SLC8A1: variants seen among roughly 807,000 people sequenced by gnomAD.
SLC8A1 encodes sodium/calcium exchanger 1.
A neutral mutation model predicts 68.3 loss-of-function variants in SLC8A1; 18 were observed. The observed-to-expected ratio is 0.26, with a 90% CI of 0.18 to 0.39. The LOEUF (loss-of-function observed/expected upper bound fraction) is 0.39. Ranked by LOEUF, SLC8A1 falls within the 10% of genes least tolerant of loss-of-function variation. The probability of loss-of-function intolerance (pLI) is 1.00; values close to 1 mark genes in which losing one functional copy is unlikely to be tolerated. For missense variants in SLC8A1, 985 were observed against 1,156.7 expected (o/e 0.85, Z 2.15); for synonymous variants, 475 against 415.5 (o/e 1.14, Z -1.74).
At chr2:40,413,064 AC>A (rs1692682474) in intron 2 of SLC8A1, among the ~76,000 whole-genome samples, 1 of 152,036 alleles carries the variant, frequency 6.6e-6, no homozygotes, top group African/African-American at 2.4e-5. Flanking sequence ...CTCACCTCAC[AC>A]CAGTTAGAAT....
At chr2:40,442,323 T>C (rs1226011007) in intron 1 of SLC8A1, among the ~76,000 whole-genome samples, 3 of 140,928 alleles carry the variant, frequency 2.1e-5, no homozygotes, top group Non-Finnish European at 3.1e-5. Context: ...ACCTACAGAA[T>C]GGGAGAAAAA....
At chr2:40,184,603 T>C (rs767409603) in intron 2 of SLC8A1, among the ~76,000 whole-genome samples, 7 of 152,132 alleles carry the variant, frequency 4.6e-5, no homozygotes, top group African/African-American at 7.2e-5. Context: ...TGATTATATC[T>C]GGAAAGTAGA....
intron 2 of SLC8A1, among the ~76,000 whole-genome samples, chr2:40,207,849 G>C (rs759260752): frequency 2.0e-5 from 3 of 152,048 alleles, no homozygotes; most frequent in Non-Finnish European, 4.4e-5. Flanking sequence ...GCTCCCACCA[G>C]TTTGGAACCT....
intron 2 of SLC8A1, among the ~76,000 whole-genome samples, chr2:40,232,436 G>A (rs1463195188): frequency 6.0e-5 from 9 of 151,258 alleles, no homozygotes; most frequent in Admixed American, 5.3e-4. Context: ...GGATAGCAAG[G>A]TTTATATAGA....
At position 40,300,469 on chromosome 2, in the gene SLC8A1, T is replaced by C. The variant is rs935404853; in HGVS notation, c.1809-122614A>G. ...CATAAAAAAAAAGACATTCTACATT[T>C]CTTATTTGTTTCGTAGGCTGGCCCA... On this transcript the variant is annotated intron_variant, in intron 2 of 7. Transcript: ENST00000406785. 6.6e-5 allele frequency among the ~76,000 whole-genome samples: 10 copies of C among 152,198 alleles called. No homozygotes were observed. In the East Asian group the frequency reaches 1.7e-3, roughly 26 times the overall value.
intron 2 of SLC8A1, among the ~76,000 whole-genome samples, chr2:40,185,850 G>C (rs2050601461): frequency 6.6e-6 from 1 of 152,190 alleles, no homozygotes; most frequent in Non-Finnish European, 1.5e-5. Context: ...AGAAAAGGTT[G>C]TCAGAATGTT....
At chr2:40,420,975 C>G (rs1477012240) in intron 2 of SLC8A1, among the ~76,000 whole-genome samples, 2 of 152,128 alleles carry the variant, frequency 1.3e-5, no homozygotes, top group African/African-American at 4.8e-5. Flanking sequence ...ATAAGAGTAG[C>G]TACTTGATAT....
intron 7 of SLC8A1, among the ~76,000 whole-genome samples, chr2:40,119,000 CAA>C (rs1377462690): frequency 1.3e-5 from 2 of 152,050 alleles, no homozygotes; most frequent in Non-Finnish European, 2.9e-5. Context: ...AGTTTAAAAT[CAA>C]AGACTCCTGG....
At chr2:40,443,086 A>G (rs753421210) in intron 1 of SLC8A1, among the ~76,000 whole-genome samples, 49 of 152,038 alleles carry the variant, frequency 3.2e-4, no homozygotes, top group African/African-American at 1.2e-3. Flanking sequence ...GGGGAACAAC[A>G]CACACTGGGG....
chr2:40,193,520 T>C (rs2052304990), intron 2 of SLC8A1, among the ~76,000 whole-genome samples: 2 of 152,004 alleles, frequency 1.3e-5, no homozygotes, highest in Admixed American at 1.3e-4. Flanking sequence ...GCATGGCATG[T>C]TTAAGAAGCA....
intron 1 of SLC8A1, among the ~76,000 whole-genome samples, chr2:40,448,146 TTTGA>T (rs1319547935): frequency 1.3e-5 from 2 of 152,136 alleles, no homozygotes; most frequent in Non-Finnish European, 2.9e-5. Context: ...AAATGGACTG[TTTGA>T]TTAATAAGTA....
intron 2 of SLC8A1, among the ~76,000 whole-genome samples, chr2:40,312,962 GTA>G (rs2073933876): frequency 6.6e-6 from 1 of 151,926 alleles, no homozygotes; most frequent in Non-Finnish European, 1.5e-5. Flanking sequence ...ACACACATAT[GTA>G]TATGTGTGTA....
intron 2 of SLC8A1, among the ~76,000 whole-genome samples, chr2:40,265,858 G>T (rs940375793): frequency 1.3e-5 from 2 of 149,248 alleles, no homozygotes; most frequent in Non-Finnish European, 3.0e-5. Context: ...CAGGCATAAA[G>T]AAAAAAAAAA....
chr2:40,452,748 GCAAA>G (rs1255195983), upstream of SLC8A1, among the ~76,000 whole-genome samples: 1 of 150,656 alleles, frequency 6.6e-6, no homozygotes, highest in East Asian at 1.9e-4. Context: ...GCTGACACAA[GCAAA>G]CAGAGATATT....
In SLC8A1 at chr2:40,200,248, ATATAT is replaced by A. The variant is rs2054071003; in HGVS notation, c.1809-22398_1809-22394del. On this transcript the variant is annotated intron_variant, in intron 2 of 7. Coordinates refer to ENST00000406785, the Ensembl canonical transcript of SLC8A1. Reference sequence around the variant, plus strand: ...TTTATATATATATATAAATATATATATATATATATATATATATATAACCTCTTTTA... The same window carrying A: ...TTTATATATATATATAAATATATATAATATATATATATATAACCTCTTTTA... 2.6e-4 allele frequency among the ~76,000 whole-genome samples: 5 copies of A among 19,298 alleles called. 2 individuals are homozygous for A. Among genetic ancestry groups the A allele is most frequent in the Admixed American group, 9.7e-4 (2 of 2,060 alleles). 12.7% of individuals were successfully genotyped at this position (19,298 alleles called of 152,430 possible). A position where few individuals can be genotyped will look rare whatever the true frequency, so the allele number is the denominator to read the frequency against.
At chr2:40,325,804 A>G (rs994755631) in intron 2 of SLC8A1, among the ~76,000 whole-genome samples, 1 of 140,820 alleles carries the variant, frequency 7.1e-6, no homozygotes, top group South Asian at 2.2e-4. Flanking sequence ...AAAAAAAAAA[A>G]GTAGCTGAGC....
At position 40,404,533 on chromosome 2, in the gene SLC8A1, G is replaced by A. The variant is rs544978412; in HGVS notation, c.1808+23940C>T. 1.3e-3 allele frequency among the ~76,000 whole-genome samples: 202 copies of A among 152,188 alleles called. 1 individual carries two copies. The highest frequency in any genetic ancestry group is 4.6e-3 in the African/African-American group (191 of 41,534). ...TATCCCAAGAGTTTGTGCATGTTGA[G>A]GAAAGAAATCCAAGAAATATTTAAT... On this transcript the variant is annotated intron_variant, in intron 2 of 7. Transcript: ENST00000406785.
intron 7 of SLC8A1, among the ~76,000 whole-genome samples, chr2:40,132,520 G>T (rs988210992): frequency 6.6e-6 from 1 of 150,766 alleles, no homozygotes; most frequent in South Asian, 2.1e-4. Flanking sequence ...GTTACTTGAT[G>T]GTCCACCGAG....
chr2:40,351,676 A>G (rs1671146258), intron 2 of SLC8A1, among the ~76,000 whole-genome samples: 1 of 152,200 alleles, frequency 6.6e-6, no homozygotes, highest in Non-Finnish European at 1.5e-5. Flanking sequence ...GGCATGCACT[A>G]AAATCTGCCC....
Sources: allele counts gnomAD v4.1 joint callset (sites outside exome capture counted in the v4.1 genomes callset), GRCh38; gene constraint gnomAD v4.1.1; transcripts MANE v1.5; gene names NCBI Gene and HGNC (gene_info 2026-07-23, HGNC 2026-07-21).